The following ARFGEF1 variants were observed in gnomAD, a reference collection of about 807,000 sequenced individuals.
ARFGEF1 encodes the protein brefeldin A-inhibited guanine nucleotide-exchange protein 1.
A neutral mutation model predicts 231.0 loss-of-function variants in ARFGEF1; 42 were observed. The ratio of observed to expected loss-of-function variants is 0.18; its 90% CI spans 0.14 to 0.24. The LOEUF (loss-of-function observed/expected upper bound fraction) is 0.24, where lower values mean the gene tolerates loss of function less well. Ranked by LOEUF, ARFGEF1 falls within the 10% of genes least tolerant of loss-of-function variation. The probability of loss-of-function intolerance (pLI) is 1.00; values close to 1 mark genes in which losing one functional copy is unlikely to be tolerated. For synonymous variants in ARFGEF1, 710 were observed against 732.3 expected (o/e 0.97, Z 0.49); for missense variants, 1,345 against 2,192.0 (o/e 0.61, Z 7.72).
At chr8:67,310,163 AG>A (rs1806932085) in intron 1 of ARFGEF1, among the ~76,000 whole-genome samples, 2 of 151,828 alleles carry the variant, frequency 1.3e-5, no homozygotes, top group African/African-American at 2.4e-5. Context: ...GCGGAGCCGA[AG>A]CTGGACTGTA....
intron 23 of ARFGEF1, among the ~76,000 whole-genome samples, chr8:67,230,125 T>C (rs1839507435): frequency 6.6e-6 from 1 of 152,050 alleles, no homozygotes; most frequent in Non-Finnish European, 1.5e-5. Context: ...CTATTTCTAG[T>C]AATGCTCCAC....
chr8:67,240,424 C>CA, intron 19 of ARFGEF1, 134 bp from the exon 20 acceptor site: 1 of 828,558 alleles, frequency 1.2e-6, no homozygotes, highest in South Asian at 2.0e-5. Context: ...CTTTCTTAAA[C>CA]AAAGGGGGAA....
At chr8:67,321,803 T>C (rs1424686204) in intron 1 of ARFGEF1, among the ~76,000 whole-genome samples, 7 of 152,182 alleles carry the variant, frequency 4.6e-5, no homozygotes, top group Admixed American at 4.6e-4. Flanking sequence ...TCTCCATCCT[T>C]TCTGCCACTT....
At chr8:67,270,918 G>C (rs1198609661) in intron 10 of ARFGEF1, among the ~76,000 whole-genome samples, 2 of 150,808 alleles carry the variant, frequency 1.3e-5, no homozygotes, top group East Asian at 3.9e-4. Flanking sequence ...CAGCTACTCG[G>C]GAAGCTAAGG....
chr8:67,296,433 C>A lies in ARFGEF1; in HGVS notation c.637G>T (p.Ala213Ser). The change falls in exon 5 of 39, where the codon GCA (alanine) becomes TCA (serine). Residue 213 changes from alanine (A) to serine (S), a missense_variant and splice_region_variant. Coordinates refer to ENST00000262215, the MANE Select transcript of ARFGEF1 (RefSeq NM_006421.5). ...CTCTCTCTTCTTAAAATACTTACTGCTTGGTTTTCCATGCGTGCAAAGATA... is the reference window on the plus strand; with the variant it reads ...CTCTCTCTTCTTAAAATACTTACTGATTGGTTTTCCATGCGTGCAAAGATA... ...NVIFARMENQ[A>S]LQEAKQMEKE... 1 of 1,613,606 alleles carries A rather than the reference C, an allele frequency of 6.2e-7. No individual in the cohort carries two copies. Among genetic ancestry groups the A allele is most frequent in the South Asian group, 1.1e-5 (1 of 91,056 alleles).
chr8:67,325,575 A>G (rs1467043175), intron 1 of ARFGEF1, among the ~76,000 whole-genome samples: 1 of 152,220 alleles, frequency 6.6e-6, no homozygotes, highest in African/African-American at 2.4e-5. Flanking sequence ...CAAGTTTCCC[A>G]TTCTCTCAGT....
intron 19 of ARFGEF1, 49 bp from the exon 20 acceptor site, chr8:67,240,339 T>C: frequency 6.8e-7 from 1 of 1,480,474 alleles, no homozygotes; most frequent in Non-Finnish European, 9.1e-7. Flanking sequence ...GATAACACAT[T>C]AAAATTTCTC....
intron 29 of ARFGEF1, 43 bp from the exon 30 acceptor site, chr8:67,219,603 G>A: frequency 6.5e-7 from 1 of 1,539,134 alleles, no homozygotes; most frequent in South Asian, 1.3e-5. Flanking sequence ...ATACAAAAAA[G>A]CATACTTCTC....
At chr8:67,188,848 C>T (rs896523976) in intron 5 of ARFGEF1, among the ~76,000 whole-genome samples, 6 of 152,228 alleles carry the variant, frequency 3.9e-5, no homozygotes, top group African/African-American at 9.6e-5. Flanking sequence ...ACACTAGTCA[C>T]TGGGTTCCAC....
chr8:67,255,850 T>C (rs911986352), intron 17 of ARFGEF1, among the ~76,000 whole-genome samples: 11 of 152,244 alleles, frequency 7.2e-5, no homozygotes, highest in Non-Finnish European at 7.3e-5. Flanking sequence ...CGGGACACTG[T>C]TGTGAAGGTA....
intron 34 of ARFGEF1, 143 bp from the exon 35 acceptor site, chr8:67,204,962 G>C: frequency 1.1e-6 from 1 of 941,130 alleles, no homozygotes; most frequent in Non-Finnish European, 1.5e-6. Flanking sequence ...TTTGCACACA[G>C]GCACTACTCA....
At chr8:67,269,225 A>G (rs143773256) in intron 10 of ARFGEF1, among the ~76,000 whole-genome samples, 2 of 152,304 alleles carry the variant, frequency 1.3e-5, no homozygotes, top group Admixed American at 6.5e-5. Context: ...TTTAAGACCC[A>G]TGAAAAAATC....
downstream of ARFGEF1, among the ~76,000 whole-genome samples, chr8:67,194,248 T>C (rs1195994041): frequency 6.6e-6 from 1 of 152,254 alleles, no homozygotes; most frequent in African/African-American, 2.4e-5. Context: ...ATAATAGTTT[T>C]AGCAAATTAC....
chr8:67,219,386 T>C, intron 30 of ARFGEF1, 45 bp downstream of exon 30: 1 of 1,579,032 alleles, frequency 6.3e-7, no homozygotes, highest in South Asian at 1.2e-5. Context: ...ATACTGAGAA[T>C]CTTTTAACTT....
chr8:67,336,468 C>T (rs1161176521), intron 1 of ARFGEF1, among the ~76,000 whole-genome samples: 1 of 152,170 alleles, frequency 6.6e-6, no homozygotes, highest in Non-Finnish European at 1.5e-5. Flanking sequence ...CAGAAATTTC[C>T]TCTCATAGTT....
At chr8:67,283,341 T>C (rs1203205293) in intron 7 of ARFGEF1, among the ~76,000 whole-genome samples, 2 of 152,118 alleles carry the variant, frequency 1.3e-5, no homozygotes, top group East Asian at 3.8e-4. Context: ...ATAATCTAAA[T>C]GCTAGTATTA....
rs1030368540 is a variant in ARFGEF1, at chr8:67,261,822, T to A, written c.2124-1896A>T. On this transcript the variant is annotated intron_variant, in intron 14 of 38. Coordinates refer to ENST00000262215, the MANE Select transcript of ARFGEF1 (RefSeq NM_006421.5). ...CCCTTTCCTCAGAAGTAACTCTGAATTTCAAGTCTTTTTTTTTTTTTTTTT... is the reference window on the plus strand; with the variant it reads ...CCCTTTCCTCAGAAGTAACTCTGAAATTCAAGTCTTTTTTTTTTTTTTTTT... Among the ~76,000 whole-genome samples, 4 of 150,082 alleles carry A rather than the reference T, an allele frequency of 2.7e-5. No individual in the cohort carries two copies. In the East Asian group the frequency reaches 7.7e-4, roughly 29 times the overall value.
chr8:67,261,839 T>C (rs1315619634), intron 14 of ARFGEF1, among the ~76,000 whole-genome samples: 1 of 151,480 alleles, frequency 6.6e-6, no homozygotes, highest in Non-Finnish European at 1.5e-5. Context: ...TCTTTTTTTT[T>C]TTTTTTTTTT....
At chr8:67,187,134 T>G (rs1834893813) in intron 5 of ARFGEF1, among the ~76,000 whole-genome samples, 1 of 152,142 alleles carries the variant, frequency 6.6e-6, no homozygotes, top group African/African-American at 2.4e-5. Context: ...TGTCAAGATG[T>G]CAGGTCTTCT....
Sources: allele counts gnomAD v4.1 joint callset (sites outside exome capture counted in the v4.1 genomes callset), GRCh38; gene constraint gnomAD v4.1.1; transcripts MANE v1.5; gene names NCBI Gene and HGNC (gene_info 2026-07-23, HGNC 2026-07-21).